The following CTNNA3 variants were observed in gnomAD, a reference collection of about 807,000 sequenced individuals.
CTNNA3 encodes the protein catenin alpha-3.
Under a neutral mutation model 95.7 loss-of-function variants are expected in CTNNA3, and 76 were observed. That is an observed-to-expected ratio of 0.79 (90% CI 0.66 to 0.96). The LOEUF is 0.96. CTNNA3 is among the 40% of genes least tolerant of loss of function. The pLI is 0.00. For missense variants in CTNNA3, 1,191 were observed against 1,089.8 expected (o/e 1.09, Z -1.31); for synonymous variants, 431 against 374.4 (o/e 1.15, Z -1.74).
chr10:65,948,526 A>G (rs973735919), intron 17 of CTNNA3, among the ~76,000 whole-genome samples: 6 of 151,088 alleles, frequency 4.0e-5, no homozygotes, highest in Non-Finnish European at 7.4e-5. Context: ...TAATGCACTT[A>G]TTCCCCTATG....
intron 10 of CTNNA3, among the ~76,000 whole-genome samples, chr10:66,552,117 A>T (rs2132110437): frequency 6.6e-6 from 1 of 151,716 alleles, no homozygotes; most frequent in Admixed American, 6.6e-5. Context: ...GTTAGCCACG[A>T]CGGTCTCCAT....
chr10:65,924,388 C>G (rs2077134521), intron 17 of CTNNA3, among the ~76,000 whole-genome samples: 1 of 152,062 alleles, frequency 6.6e-6, no homozygotes, highest in Non-Finnish European at 1.5e-5. Context: ...AACAAAGCAC[C>G]AGCCTCCATC....
chr10:67,230,500 C>A (rs1865140566), intron 5 of CTNNA3, among the ~76,000 whole-genome samples: 2 of 152,082 alleles, frequency 1.3e-5, no homozygotes, highest in South Asian at 4.1e-4. Context: ...GCAGAATAAA[C>A]AGACAATCCA....
chr10:67,217,240 C>A (rs1299526329), intron 6 of CTNNA3, among the ~76,000 whole-genome samples: 2 of 152,100 alleles, frequency 1.3e-5, no homozygotes, highest in African/African-American at 4.8e-5. Context: ...ACCAATACAG[C>A]TTCCTGTAAA....
At chr10:67,417,182 C>A (rs1032907822) in intron 5 of CTNNA3, among the ~76,000 whole-genome samples, 7 of 152,080 alleles carry the variant, frequency 4.6e-5, no homozygotes, top group African/African-American at 1.7e-4. Flanking sequence ...TAATCCTAAG[C>A]AAATTAATGG....
At chr10:66,395,658 C>T (rs2456738) in intron 11 of CTNNA3, among the ~76,000 whole-genome samples, 14,357 of 151,980 alleles carry the variant, frequency 0.094, 917 homozygotes, top group African/African-American at 0.18. Flanking sequence ...GAACCTGCCA[C>T]AAAGCTTTCT....
At chr10:66,843,389 A>T (rs1390983154) in intron 7 of CTNNA3, among the ~76,000 whole-genome samples, 1 of 152,214 alleles carries the variant, frequency 6.6e-6, no homozygotes, top group African/African-American at 2.4e-5. Flanking sequence ...ATCCAGGTAT[A>T]AGAATCAGGA....
chr10:66,104,298 C>G (rs530684529), intron 13 of CTNNA3, among the ~76,000 whole-genome samples: 1 of 152,296 alleles, frequency 6.6e-6, no homozygotes, highest in South Asian at 2.1e-4. Context: ...TTTAATATAT[C>G]ATCGCTGAAT....
intron 13 of CTNNA3, among the ~76,000 whole-genome samples, chr10:66,150,778 TC>T (rs2084159432): frequency 6.6e-6 from 1 of 152,060 alleles, no homozygotes; most frequent in Admixed American, 6.6e-5. Flanking sequence ...TAGCTGATTT[TC>T]TAGTTCATTA....
At chr10:66,371,613 A>G (rs1354040887) in intron 12 of CTNNA3, among the ~76,000 whole-genome samples, 2 of 152,046 alleles carry the variant, frequency 1.3e-5, no homozygotes, top group Non-Finnish European at 2.9e-5. Flanking sequence ...ATCAATCCTC[A>G]ATTTCCTTTC....
At chr10:66,336,983 T>C (rs1257017536) in intron 12 of CTNNA3, among the ~76,000 whole-genome samples, 1 of 152,108 alleles carries the variant, frequency 6.6e-6, no homozygotes, top group Non-Finnish European at 1.5e-5. Flanking sequence ...TATAACAGAT[T>C]GACTGCAGAA....
chr10:66,112,812 T>C (rs1406559575), intron 13 of CTNNA3, among the ~76,000 whole-genome samples: 1 of 152,152 alleles, frequency 6.6e-6, no homozygotes, highest in East Asian at 1.9e-4. Context: ...TCCTTTTTTT[T>C]TAAGGTTGAA....
intron 7 of CTNNA3, among the ~76,000 whole-genome samples, chr10:67,030,152 T>C (rs1853628717): frequency 6.6e-6 from 1 of 152,240 alleles, no homozygotes; most frequent in African/African-American, 2.4e-5. Context: ...AAGCTTGTGC[T>C]AAAGCACCAG....
chr10:66,797,417 A>AAC (rs1564689846), intron 7 of CTNNA3, among the ~76,000 whole-genome samples: 1 of 143,932 alleles, frequency 6.9e-6, no homozygotes, highest in Non-Finnish European at 1.5e-5. Flanking sequence ...AAAAAAAAAA[A>AAC]AAAAACCCAC....
intron 11 of CTNNA3, among the ~76,000 whole-genome samples, chr10:66,432,017 A>T (rs2093300943): frequency 6.6e-6 from 1 of 152,120 alleles, no homozygotes; most frequent in South Asian, 2.1e-4. Flanking sequence ...AAATTAATAA[A>T]AATATATCAA....
intron 9 of CTNNA3, among the ~76,000 whole-genome samples, chr10:66,745,169 C>T (rs1445108092): frequency 6.6e-6 from 1 of 152,214 alleles, no homozygotes; most frequent in Non-Finnish European, 1.5e-5. Flanking sequence ...GCTCTCTTTA[C>T]ACTGCATCAT....
chr10:65,975,485 T>C (rs1039920492), intron 16 of CTNNA3, among the ~76,000 whole-genome samples: 4 of 152,106 alleles, frequency 2.6e-5, no homozygotes, highest in Non-Finnish European at 4.4e-5. Flanking sequence ...ATGTGCCACA[T>C]GCTATGGAAA....
intron 14 of CTNNA3, among the ~76,000 whole-genome samples, chr10:66,075,274 A>C (rs2080528338): frequency 6.6e-6 from 1 of 151,870 alleles, no homozygotes; most frequent in African/African-American, 2.4e-5. Flanking sequence ...AAGGAAAAGA[A>C]AGGAAAAAAG....
intron 10 of CTNNA3, 46 bp downstream of exon 10, chr10:66,621,646 G>T: frequency 8.9e-7 from 1 of 1,124,750 alleles, no homozygotes; most frequent in Non-Finnish European, 1.3e-6. Context: ...AAAGCATTAG[G>T]AATTATATAT....
Sources: gnomAD v4.1 joint callset for allele counts (sites outside exome capture counted in the v4.1 genomes callset) on GRCh38, gnomAD v4.1.1 for gene constraint, MANE v1.5 for transcripts, NCBI Gene and HGNC (gene_info 2026-07-23, HGNC 2026-07-21) for gene names.